G3BP1: variants seen among roughly 807,000 people sequenced by gnomAD.
The protein encoded by G3BP1 is ras GTPase-activating protein-binding protein 1.
G3BP1 carries 35 observed loss-of-function variants against 58.6 expected under a neutral mutation model. The ratio of observed to expected loss-of-function variants is 0.60; its 90% CI spans 0.46 to 0.79. G3BP1 has a LOEUF of 0.79. G3BP1 is among the 30% of genes least tolerant of loss of function. G3BP1 has a pLI of 0.00. For synonymous variants in G3BP1, 191 were observed against 195.4 expected (o/e 0.98, Z 0.19); for missense variants, 523 against 580.8 (o/e 0.90, Z 1.02).
At chr5:151,781,898 A>G (rs535164646) in intron 1 of G3BP1, among the ~76,000 whole-genome samples, 4 of 152,046 alleles carry the variant, frequency 2.6e-5, no homozygotes, top group Non-Finnish European at 5.9e-5. Context: ...CAGATTTTCA[A>G]CTCTGGGCTA....
rs745535002 is a variant in G3BP1 at position 151,790,957 on chromosome 5, T to G, written c.246T>G (p.Ala82=). 5.0e-6 allele frequency: 8 copies of G among 1,611,596 alleles called. No homozygotes were observed. Among genetic ancestry groups the G allele is most frequent in the South Asian group, 2.2e-5 (2 of 91,002 alleles). The change falls in exon 4 of 12, where the codon GCT becomes GCG. Residue 82 remains alanine (A), a synonymous_variant. Transcript: ENST00000356245. ...ACACCAAGATTCGCCATGTTGATGCTCATGCCACGCTAAATGATGGTGTGG... is the reference window on the plus strand; with the variant it reads ...ACACCAAGATTCGCCATGTTGATGCGCATGCCACGCTAAATGATGGTGTGG... ...NCHTKIRHVD[A]HATLNDGVVV...
chr5:151,788,572 A>ATGTGTGTGTGTGTGTGTGTGTGTG (rs10634385), intron 2 of G3BP1, among the ~76,000 whole-genome samples: 2 of 133,238 alleles, frequency 1.5e-5, no homozygotes, highest in African/African-American at 6.0e-5. Context: ...CTAAGTTTAT[A>ATGTGTGTGTGTGTGTGTGTGTGTG]TGTGTGTGTG....
intron 1 of G3BP1, among the ~76,000 whole-genome samples, chr5:151,783,381 T>G (rs1212474955): frequency 6.6e-6 from 1 of 152,160 alleles, no homozygotes; most frequent in African/African-American, 2.4e-5. Context: ...TTCTTTCTTT[T>G]TTTTTGCTGT....
chr5:151,799,419 C>T, intron 8 of G3BP1, 106 bp downstream of exon 8: 1 of 690,714 alleles, frequency 1.4e-6, no homozygotes, highest in Non-Finnish European at 2.6e-6. Context: ...TGCAGTGTGG[C>T]TCATGCCTGT....
At position 151,812,007 on chromosome 5, in the gene G3BP1, A is replaced by T. The variant is rs1763024811; in HGVS notation, c.*7916A>T. ...GTATCTTCTACTTTGGCTAGCTGTC[A>T]GAGTTGCCGCTATGTGAGCTTGTGA... On this transcript the variant is annotated 3_prime_UTR_variant, in exon 12 of 12. Coordinates refer to ENST00000356245, the MANE Select transcript of G3BP1 (RefSeq NM_005754.3). The T allele has an allele frequency of 6.6e-6, 1 of 152,220 alleles. No homozygotes were observed. Among genetic ancestry groups the T allele is most frequent in the African/African-American group, 2.4e-5 (1 of 41,464 alleles). The allele number at this position is 152,220 out of a possible 1,614,324, so 9.4% of individuals were successfully genotyped here.
At chr5:151,786,365 G>C (rs998105465) in intron 1 of G3BP1, among the ~76,000 whole-genome samples, 3 of 152,058 alleles carry the variant, frequency 2.0e-5, no homozygotes, top group Non-Finnish European at 2.9e-5. Flanking sequence ...TGAATATTGG[G>C]GATAATGATG....
chr5:151,775,549 CACCT>C (rs1179082271), intron 1 of G3BP1, among the ~76,000 whole-genome samples: 1 of 152,224 alleles, frequency 6.6e-6, no homozygotes, highest in Non-Finnish European at 1.5e-5. Flanking sequence ...ATGAATGTGA[CACCT>C]GCCTGCCCTT....
chr5:151,800,838 C>A lies in G3BP1; in HGVS notation c.1163C>A (p.Ser388Tyr). 6.2e-7 allele frequency: 1 copy of A among 1,604,478 alleles called. No homozygotes were observed. Among genetic ancestry groups the A allele is most frequent in the Non-Finnish European group, 8.5e-7 (1 of 1,173,042 alleles). ...TTTGGTTTTGTTGTGTTTGATGATTCTGAGCCTGTTCAGAAAGTCCTTAGC... is the reference window on the plus strand; with the variant it reads ...TTTGGTTTTGTTGTGTTTGATGATTATGAGCCTGTTCAGAAAGTCCTTAGC... The part of the protein sequence containing the change: ...PNFGFVVFDD[S>Y]EPVQKVLSNR... Residue 388 changes from serine to tyrosine, a missense_variant, in exon 11 of 12, where the codon TCT becomes TAT. Coordinates refer to ENST00000356245, the MANE Select transcript of G3BP1 (RefSeq NM_005754.3).
At chr5:151,803,608 T>A (rs1272462850) in intron 11 of G3BP1, among the ~76,000 whole-genome samples, 1 of 152,120 alleles carries the variant, frequency 6.6e-6, no homozygotes, top group Non-Finnish European at 1.5e-5. Flanking sequence ...TTCTCCTGCC[T>A]CAGCCTCCTT....
At chr5:151,793,869 C>G (rs1762702565) in intron 4 of G3BP1, among the ~76,000 whole-genome samples, 1 of 151,062 alleles carries the variant, frequency 6.6e-6, no homozygotes, top group Non-Finnish European at 1.5e-5. Flanking sequence ...GAGAAATTAG[C>G]CTTGCATGGT....
intron 1 of G3BP1, among the ~76,000 whole-genome samples, chr5:151,774,549 A>T (rs1220728677): frequency 6.6e-6 from 1 of 151,900 alleles, no homozygotes; most frequent in Non-Finnish European, 1.5e-5. Flanking sequence ...AGTCTGATAA[A>T]ACTGCCCACT....
intron 2 of G3BP1, among the ~76,000 whole-genome samples, chr5:151,789,576 A>G (rs1464104362): frequency 6.6e-6 from 1 of 152,254 alleles, no homozygotes; most frequent in Non-Finnish European, 1.5e-5. Context: ...AAGTACTTCT[A>G]AAACCACTTG....
chr5:151,804,162 G>T lies in G3BP1; in HGVS notation c.*71G>T, dbSNP rs1184718517. 2.6e-6 allele frequency: 3 copies of T among 1,161,426 alleles called. No homozygotes were observed. The highest frequency in any genetic ancestry group is 3.7e-6 in the Non-Finnish European group (3 of 806,062). The allele number at this position is 1,161,426 out of a possible 1,614,324, so 71.9% of individuals were successfully genotyped here. ...GAATGGTGAATTTTCGACAGCCTTT[G>T]GTATCTTGGAGTATGACCCCAGTCT... On this transcript the variant is annotated 3_prime_UTR_variant, in exon 12 of 12. Transcript: ENST00000356245.
At chr5:151,802,865 G>A (rs554634818) in intron 11 of G3BP1, among the ~76,000 whole-genome samples, 5 of 152,254 alleles carry the variant, frequency 3.3e-5, no homozygotes, top group South Asian at 2.1e-4. Context: ...TCTGGGAGGC[G>A]GAGCTTGCAG....
At chr5:151,801,458 G>A (rs191849755) in intron 11 of G3BP1, among the ~76,000 whole-genome samples, 70 of 152,260 alleles carry the variant, frequency 4.6e-4, no homozygotes, top group South Asian at 1.2e-3. Flanking sequence ...ACTACTTTTT[G>A]TAGTAGTAGA....
chr5:151,797,497 G>T (rs906574966), intron 7 of G3BP1, 69 bp downstream of exon 7: 1 of 1,485,152 alleles, frequency 6.7e-7, no homozygotes, highest in Non-Finnish European at 9.1e-7. Context: ...CTGTTCTTTT[G>T]TATTGCTGTT....
intron 2 of G3BP1, among the ~76,000 whole-genome samples, chr5:151,788,926 C>T (rs187991838): frequency 2.0e-5 from 3 of 152,098 alleles, no homozygotes; most frequent in Non-Finnish European, 2.9e-5. Flanking sequence ...TACAGGCATG[C>T]GCCACCATGC....
chr5:151,778,114 C>G (rs960625760), intron 1 of G3BP1, among the ~76,000 whole-genome samples: 1 of 152,000 alleles, frequency 6.6e-6, no homozygotes, highest in Non-Finnish European at 1.5e-5. Context: ...TGGGTAAATG[C>G]TTAATAGGGG....
intron 8 of G3BP1, 60 bp downstream of exon 8, chr5:151,799,373 T>A (rs1762811902): frequency 2.3e-6 from 2 of 876,602 alleles, no homozygotes; most frequent in East Asian, 2.4e-5. Context: ...GTAATTTGAT[T>A]CAACAGAGGT....
Sources: gnomAD v4.1 joint callset for allele counts (sites outside exome capture counted in the v4.1 genomes callset) on GRCh38, gnomAD v4.1.1 for gene constraint, MANE v1.5 for transcripts, NCBI Gene and HGNC (gene_info 2026-07-23, HGNC 2026-07-21) for gene names.